Variants in PCDH11X observed in about 807,000 individuals in gnomAD.
The protein encoded by PCDH11X is protocadherin 11 X-linked.
Under a neutral mutation model 53.3 loss-of-function variants are expected in PCDH11X, and 18 were observed. The ratio of observed to expected loss-of-function variants is 0.34; its 90% CI spans 0.23 to 0.50. PCDH11X has a LOEUF of 0.50. PCDH11X is among the 20% of genes least tolerant of loss of function. The pLI is 0.98. For missense variants in PCDH11X, 570 were observed against 1,032.4 expected (o/e 0.55, Z 6.14); for synonymous variants, 279 against 393.3 (o/e 0.71, Z 3.44).
intron 6 of PCDH11X, among the ~76,000 whole-genome samples, chrX:92,148,254 G>C (rs1252105890): frequency 1.2e-5 from 1 of 84,608 alleles, no homozygotes; most frequent in Non-Finnish European, 2.2e-5. Context: ...TTTTGAGACA[G>C]AGTCTTGCTC....
intron 6 of PCDH11X, among the ~76,000 whole-genome samples, chrX:91,917,002 T>C (rs1941586598): frequency 9.0e-6 from 1 of 111,369 alleles, no homozygotes; most frequent in Non-Finnish European, 1.9e-5. Context: ...GCAGGGATGG[T>C]TTAACATACA....
chrX:92,078,331 TC>T (rs1419914909), intron 6 of PCDH11X, among the ~76,000 whole-genome samples: 3 of 111,569 alleles, frequency 2.7e-5, no homozygotes, highest in African/African-American at 9.8e-5. Flanking sequence ...TCTTCATTTT[TC>T]TTCTTCATTT....
At chrX:91,839,635 A>G (rs1569406175) in intron 5 of PCDH11X, among the ~76,000 whole-genome samples, 1 of 110,213 alleles carries the variant, frequency 9.1e-6, no homozygotes, top group East Asian at 2.9e-4. Flanking sequence ...TAAAAAAATT[A>G]AAAAGGGAAA....
At chrX:92,181,937 C>A (rs1277799062) in intron 6 of PCDH11X, among the ~76,000 whole-genome samples, 1 of 112,416 alleles carries the variant, frequency 8.9e-6, no homozygotes, top group Non-Finnish European at 1.9e-5. Context: ...ACACAGAGTA[C>A]CCACTGGGGT....
chrX:92,265,437 A>G (rs1035949675), intron 8 of PCDH11X, among the ~76,000 whole-genome samples: 2 of 111,092 alleles, frequency 1.8e-5, no homozygotes, highest in African/African-American at 6.6e-5. Context: ...AACACAGCAG[A>G]GAGTTAAAAA....
intron 6 of PCDH11X, among the ~76,000 whole-genome samples, chrX:92,082,066 A>G (rs147026623): frequency 2.6e-3 from 289 of 111,098 alleles, no homozygotes; most frequent in African/African-American, 9.1e-3. Context: ...ATAGTTTAAC[A>G]ATTTTTTCAA....
chrX:92,102,783 T>C (rs753639438), intron 6 of PCDH11X, among the ~76,000 whole-genome samples: 85 of 111,177 alleles, frequency 7.6e-4, no homozygotes, highest in African/African-American at 2.7e-3. Flanking sequence ...TAGGAGAGTA[T>C]ATGGGTTTGG....
intron 6 of PCDH11X, among the ~76,000 whole-genome samples, chrX:92,080,338 A>G (rs1405303465): frequency 9.0e-6 from 1 of 111,453 alleles, no homozygotes; most frequent in East Asian, 2.8e-4. Context: ...TACAGTAGCA[A>G]TAGGAAACAA....
intron 7 of PCDH11X, among the ~76,000 whole-genome samples, chrX:92,208,077 C>A (rs1444804326): frequency 9.3e-6 from 1 of 107,995 alleles, no homozygotes; most frequent in Non-Finnish European, 1.9e-5. Flanking sequence ...TGCCTGCAAT[C>A]CCAGCTACTC....
At chrX:92,275,838 T>A (rs1457586954) in intron 8 of PCDH11X, among the ~76,000 whole-genome samples, 1 of 110,161 alleles carries the variant, frequency 9.1e-6, no homozygotes, top group East Asian at 2.9e-4. Flanking sequence ...TAAGGGTGAT[T>A]AGGTTTTAAT....
At chrX:92,227,969 C>T (rs2148365321) in intron 7 of PCDH11X, among the ~76,000 whole-genome samples, 1 of 110,584 alleles carries the variant, frequency 9.0e-6, no homozygotes, top group East Asian at 2.9e-4. Flanking sequence ...TTAAGATTAA[C>T]AATAAAATGA....
intron 6 of PCDH11X, among the ~76,000 whole-genome samples, chrX:91,910,766 G>A (rs1368460587): frequency 2.7e-5 from 3 of 111,233 alleles, no homozygotes; most frequent in Non-Finnish European, 5.7e-5. Flanking sequence ...AATTCCCATC[G>A]TTTTCTGTGA....
At position 91,877,903 on chromosome X, in the gene PCDH11X, ACAGTCT is replaced by A; in HGVS notation, c.1664_1669del (p.Thr555_Phe557delinsIle). 1 of 1,211,854 alleles carries A rather than the reference ACAGTCT, an allele frequency of 8.3e-7. No homozygotes were observed. Among genetic ancestry groups the A allele is most frequent in the Non-Finnish European group, 1.1e-6 (1 of 895,478 alleles). ...GGTACCACCCTTAACCAGCAATGTC[ACAGTCT>A]TTGTAAGCATTATTGATCAGAATGA... On this transcript the variant is annotated inframe_deletion, in exon 6 of 11. Coordinates refer to ENST00000682573, the MANE Select transcript of PCDH11X (RefSeq NM_032968.5).
chrX:91,866,085 G>GC (rs777416490), intron 5 of PCDH11X, among the ~76,000 whole-genome samples: 29 of 110,661 alleles, frequency 2.6e-4, no homozygotes, highest in Non-Finnish European at 4.2e-4. Context: ...TCTATCCAGT[G>GC]CCTTATCCTG....
At chrX:91,943,421 TA>T (rs2061533744) in intron 6 of PCDH11X, among the ~76,000 whole-genome samples, 1 of 110,648 alleles carries the variant, frequency 9.0e-6, no homozygotes, top group African/African-American at 3.3e-5. Context: ...AAAATTGCTC[TA>T]AAAAATAAAG....
At chrX:92,417,050 T>C (rs1224612281) in intron 9 of PCDH11X, among the ~76,000 whole-genome samples, 1 of 110,572 alleles carries the variant, frequency 9.0e-6, no homozygotes, top group African/African-American at 3.3e-5. Flanking sequence ...ACTGTCAGAG[T>C]TGTTTTTCTT....
rs190867159 is a variant in PCDH11X at position 92,576,942 on chromosome X, T to G, written c.3368-41322T>G. Among the ~76,000 whole-genome samples the G allele has an allele frequency of 1.5e-3, 169 of 111,325 alleles. 1 individual carries two copies. The highest frequency in any genetic ancestry group is 5.2e-3 in the African/African-American group (161 of 30,737). On this transcript the variant is annotated intron_variant, in intron 10 of 10. Coordinates refer to ENST00000682573, the MANE Select transcript of PCDH11X (RefSeq NM_032968.5). ...TTTCAGGTGATTACTTAAGGCTTAT[T>G]ATCTTTCTTTTCTTTCTGACTGAAA...
At chrX:92,403,339 G>GTTTTTTTTTTTTTTTTTTTT (rs1191277649) in intron 9 of PCDH11X, among the ~76,000 whole-genome samples, 9 of 49,350 alleles carry the variant, frequency 1.8e-4, no homozygotes, top group African/African-American at 5.1e-4. Flanking sequence ...GTTTTTTTTT[G>GTTTTTTTTTTTTTTTTTTTT]TTTTTTTTTT....
chrX:92,411,878 GAAGAAA>G (rs529820145), intron 9 of PCDH11X, among the ~76,000 whole-genome samples: 1 of 73,403 alleles, frequency 1.4e-5, no homozygotes, highest in African/African-American at 7.1e-5. Context: ...GAAAGAAGAA[GAAGAAA>G]AAGAAGAAGA....
Sources: allele counts gnomAD v4.1 joint callset (sites outside exome capture counted in the v4.1 genomes callset), GRCh38; gene constraint gnomAD v4.1.1; transcripts MANE v1.5; gene names NCBI Gene and HGNC (gene_info 2026-07-23, HGNC 2026-07-21).